The following TANC1 variants were observed in gnomAD, a reference collection of about 807,000 sequenced individuals.
TANC1 encodes protein TANC1.
A neutral mutation model predicts 149.7 loss-of-function variants in TANC1; 77 were observed. The observed-to-expected ratio is 0.51, with a 90% CI of 0.43 to 0.62. The LOEUF (loss-of-function observed/expected upper bound fraction) is 0.62, where lower values mean the gene tolerates loss of function less well. Among genes scored for constraint, TANC1 ranks in the 20% least tolerant of loss-of-function variants. TANC1 has a pLI of 0.00. For missense variants in TANC1, 1,985 were observed against 2,321.8 expected (o/e 0.85, Z 2.98); for synonymous variants, 854 against 925.0 (o/e 0.92, Z 1.39).
At chr2:159,062,331 T>C (rs2042293955) in intron 2 of TANC1, among the ~76,000 whole-genome samples, 1 of 152,230 alleles carries the variant, frequency 6.6e-6, no homozygotes, top group Admixed American at 6.5e-5. Context: ...ATGATACTTA[T>C]CCATAAGTAC....
In TANC1 at chr2:159,199,063, A is replaced by C; in HGVS notation, c.3244+10A>C. 6.2e-7 allele frequency: 1 copy of C among 1,609,360 alleles called. No individual in the cohort carries two copies. Among genetic ancestry groups the C allele is most frequent in the African/African-American group, 1.3e-5 (1 of 74,952 alleles). ...TTGTGGGGAGAAACAGGTAATTATAATGCCACTGCTTGTAGTCTGGGGCAG... is the reference window on the plus strand; with the variant it reads ...TTGTGGGGAGAAACAGGTAATTATACTGCCACTGCTTGTAGTCTGGGGCAG... On this transcript the variant is annotated intron_variant, in intron 19 of 26. Transcript: ENST00000263635.
chr2:159,231,535 C>T lies in TANC1; in HGVS notation c.*523C>T, dbSNP rs545643842. The T allele has an allele frequency of 1.8e-4, 28 of 153,854 alleles. No individual in the cohort carries two copies. The highest frequency in any genetic ancestry group is 4.1e-4 in the African/African-American group (17 of 41,532). The allele number at this position is 153,854 out of a possible 1,614,324, so 9.5% of individuals were successfully genotyped here. On this transcript the variant is annotated 3_prime_UTR_variant, in exon 27 of 27. Transcript: ENST00000263635. Reference sequence around the variant, plus strand: ...AGCTAAATATAAGTGCGACTGTAAACGCAGCCAATTTTTTTAAGCAGAATA... The same window carrying T: ...AGCTAAATATAAGTGCGACTGTAAATGCAGCCAATTTTTTTAAGCAGAATA...
In TANC1 at chr2:159,176,365, TGAA is replaced by T. The variant is rs2055860352; in HGVS notation, c.1756_1758del (p.Glu586del). 1 of 1,541,378 alleles carries T rather than the reference TGAA, an allele frequency of 6.5e-7. No individual in the cohort carries two copies. The highest frequency in any genetic ancestry group is 8.7e-7 in the Non-Finnish European group (1 of 1,146,606). On this transcript the variant is annotated inframe_deletion, in exon 13 of 27. Coordinates refer to ENST00000263635, the MANE Select transcript of TANC1 (RefSeq NM_033394.3). ...TTTATCCTGTAGAGCAGAAAATTCC[TGAA>T]GAAGAATACATTATTTTGATAGATG...
chr2:158,996,120 G>A (rs1483397419), intron 1 of TANC1, among the ~76,000 whole-genome samples: 2 of 152,266 alleles, frequency 1.3e-5, no homozygotes, highest in African/African-American at 4.8e-5. Flanking sequence ...GGAGGCCAAG[G>A]TGGGAGGACT....
intron 7 of TANC1, among the ~76,000 whole-genome samples, chr2:159,155,958 T>A (rs1315546518): frequency 6.6e-6 from 1 of 152,226 alleles, no homozygotes; most frequent in East Asian, 1.9e-4. Context: ...CCTGCTAGGC[T>A]TATAAAATGA....
At chr2:159,002,267 G>A (rs1300987351) in intron 2 of TANC1, among the ~76,000 whole-genome samples, 2 of 152,126 alleles carry the variant, frequency 1.3e-5, no homozygotes, top group Non-Finnish European at 2.9e-5. Context: ...CTTTCTTCCT[G>A]CTGGCCTGCC....
At chr2:159,056,910 A>G (rs1432461187) in intron 2 of TANC1, 3 of 245,034 alleles carry the variant, frequency 1.2e-5, no homozygotes, top group Admixed American at 3.4e-5. Context: ...ATATCCGTGA[A>G]CTACAGGAGC....
chr2:159,128,809 A>G (rs1018018816), intron 4 of TANC1, among the ~76,000 whole-genome samples: 2 of 152,180 alleles, frequency 1.3e-5, no homozygotes, highest in Admixed American at 1.3e-4. Flanking sequence ...AGAGGGGTCA[A>G]ACTTTAGAAG....
intron 4 of TANC1, among the ~76,000 whole-genome samples, chr2:159,106,248 C>T (rs772071537): frequency 6.9e-5 from 10 of 145,292 alleles, no homozygotes; most frequent in Non-Finnish European, 1.4e-4. Context: ...GTTATCTCCT[C>T]CTCAAAGAAA....
intron 1 of TANC1, among the ~76,000 whole-genome samples, chr2:158,973,110 T>A (rs954208490): frequency 2.0e-5 from 3 of 152,214 alleles, no homozygotes; most frequent in Non-Finnish European, 4.4e-5. Context: ...ATAGACAGAA[T>A]GTCAAGGACA....
chr2:158,983,414 C>A (rs1486778209), intron 1 of TANC1, among the ~76,000 whole-genome samples: 1 of 146,716 alleles, frequency 6.8e-6, no homozygotes, highest in Non-Finnish European at 1.5e-5. Context: ...TTGCAATGAG[C>A]CGAGATCGCG....
At position 159,231,795 on chromosome 2, in the gene TANC1, C is replaced by CTAAA. The variant is rs2060342672; in HGVS notation, c.*784_*785insAAAT. ...ATTCTTAGTGGCGCTTATAAATTAG[C>CTAAA]TCTCACCTGGTTTCCAAACTGCTTT... On this transcript the variant is annotated 3_prime_UTR_variant, in exon 27 of 27. Transcript: ENST00000263635. 1 of 152,148 alleles carries CTAAA rather than the reference C, an allele frequency of 6.6e-6. No homozygotes were observed. The highest frequency in any genetic ancestry group is 1.5e-5 in the Non-Finnish European group (1 of 68,028). The allele number at this position is 152,148 out of a possible 1,614,324, so 9.4% of individuals were successfully genotyped here. A position where few individuals can be genotyped will look rare whatever the true frequency, so the allele number is the denominator to read the frequency against.
In TANC1 at chr2:159,049,356, G is replaced by T. The variant is rs868535847; in HGVS notation, c.-15-16540G>T. On this transcript the variant is annotated intron_variant, in intron 2 of 26. Coordinates refer to ENST00000263635, the MANE Select transcript of TANC1 (RefSeq NM_033394.3). ...CAAACTTAGTTCAGATTTTACAAGG[G>T]TTACATTGGTTTATGTTAGGATTCA... Among the ~76,000 whole-genome samples, 4 of 51,684 alleles carry T rather than the reference G, an allele frequency of 7.7e-5. No homozygotes were observed. The South Asian group carries it at 2.6e-3, about 33-fold the overall frequency. 33.9% of individuals were successfully genotyped at this position (51,684 alleles called of 152,430 possible). A position where few individuals can be genotyped will look rare whatever the true frequency, so the allele number is the denominator to read the frequency against.
chr2:159,149,102 C>T (rs372933639), intron 5 of TANC1, 40 bp from the exon 6 acceptor site: 12 of 1,541,544 alleles, frequency 7.8e-6, no homozygotes, highest in Non-Finnish European at 9.6e-6. Context: ...ACTGAAATTC[C>T]CCAGAGGGGC....
intron 3 of TANC1, among the ~76,000 whole-genome samples, chr2:159,080,414 A>C (rs1400335788): frequency 6.6e-6 from 1 of 152,164 alleles, no homozygotes; most frequent in Non-Finnish European, 1.5e-5. Flanking sequence ...ACCAGGAGAA[A>C]GCCTGGCTCC....
intron 4 of TANC1, among the ~76,000 whole-genome samples, chr2:159,122,480 A>C (rs1342545335): frequency 6.6e-6 from 1 of 152,104 alleles, no homozygotes; most frequent in Non-Finnish European, 1.5e-5. Context: ...GCAAAAATGA[A>C]CTTTTTTTTC....
intron 2 of TANC1, among the ~76,000 whole-genome samples, chr2:159,041,654 G>A (rs2040644020): frequency 6.6e-6 from 1 of 152,222 alleles, no homozygotes; most frequent in Non-Finnish European, 1.5e-5. Flanking sequence ...TGCAGTGTTA[G>A]GGTGGTAGTG....
At chr2:159,228,965 T>TG (rs1019284224) in intron 26 of TANC1, 69 bp downstream of exon 26, 2 of 1,289,020 alleles carry the variant, frequency 1.6e-6, no homozygotes, top group Non-Finnish European at 2.2e-6. Flanking sequence ...CTGTTGAATT[T>TG]GGGGAGGTTT....
intron 4 of TANC1, among the ~76,000 whole-genome samples, chr2:159,112,295 G>A (rs2047805448): frequency 6.6e-6 from 1 of 152,118 alleles, no homozygotes; most frequent in Non-Finnish European, 1.5e-5. Flanking sequence ...TGCCCAGGCT[G>A]GAGTGCCGTG....
Sources: gnomAD v4.1 joint callset for allele counts (sites outside exome capture counted in the v4.1 genomes callset) on GRCh38, gnomAD v4.1.1 for gene constraint, MANE v1.5 for transcripts, NCBI Gene and HGNC (gene_info 2026-07-23, HGNC 2026-07-21) for gene names.